Variants in DOCK2 observed in about 807,000 individuals in gnomAD.
DOCK2 encodes dedicator of cytokinesis protein 2.
DOCK2 carries 87 observed loss-of-function variants against 248.9 expected under a neutral mutation model. The ratio of observed to expected loss-of-function variants is 0.35; its 90% CI spans 0.29 to 0.42. The LOEUF is 0.42. Ranked by LOEUF, DOCK2 falls within the 10% of genes least tolerant of loss-of-function variation. The pLI is 1.00. For synonymous variants in DOCK2, 805 were observed against 821.6 expected, an observed-to-expected ratio of 0.98 and a Z score of 0.35; for missense variants, 1,747 against 2,300.2, an observed-to-expected ratio of 0.76 and a Z score of 4.92.
At chr5:169,973,959 G>A (rs1468962635) in intron 27 of DOCK2, among the ~76,000 whole-genome samples, 1 of 152,184 alleles carries the variant, frequency 6.6e-6, no homozygotes. Flanking sequence ...TGTCAATGAT[G>A]TTTCCTAATA....
intron 27 of DOCK2, among the ~76,000 whole-genome samples, chr5:169,963,928 C>T (rs982630058): frequency 2.6e-5 from 4 of 152,066 alleles, no homozygotes; most frequent in South Asian, 2.1e-4. Context: ...AATAAGTTTT[C>T]GGATGCTGCT....
intron 27 of DOCK2, among the ~76,000 whole-genome samples, chr5:169,902,400 T>G (rs1773977845): frequency 6.6e-6 from 1 of 152,228 alleles, no homozygotes; most frequent in Non-Finnish European, 1.5e-5. Flanking sequence ...TTAGTGATTT[T>G]GCCAAGCCAC....
intron 44 of DOCK2, among the ~76,000 whole-genome samples, chr5:170,067,106 A>G (rs1757517710): frequency 6.6e-6 from 1 of 152,130 alleles, no homozygotes; most frequent in African/African-American, 2.4e-5. Context: ...AGGACCTACT[A>G]TGTGCCAGGC....
chr5:169,654,288 T>C, intron 1 of DOCK2, 115 bp from the exon 2 acceptor site: 4 of 1,137,198 alleles, frequency 3.5e-6, no homozygotes, highest in Non-Finnish European at 3.8e-6. Context: ...TGGTTTTGTT[T>C]AGCCCAGGTG....
At chr5:169,650,071 T>G (rs1318953711) in intron 1 of DOCK2, among the ~76,000 whole-genome samples, 1 of 152,186 alleles carries the variant, frequency 6.6e-6, no homozygotes, top group African/African-American at 2.4e-5. Context: ...GTGTTGGGAT[T>G]ACAGGCGTGA....
intron 27 of DOCK2, among the ~76,000 whole-genome samples, chr5:169,856,583 G>C (rs1561768036): frequency 6.6e-6 from 1 of 152,162 alleles, no homozygotes; most frequent in Non-Finnish European, 1.5e-5. Flanking sequence ...CTGACTCTCA[G>C]CTACTGAAGG....
At chr5:169,716,443 A>G in intron 20 of DOCK2, 141 bp downstream of exon 20, 1 of 759,682 alleles carries the variant, frequency 1.3e-6, no homozygotes, top group Admixed American at 2.7e-5. Flanking sequence ...TTTGGCAACA[A>G]GACCAATAAT....
At chr5:169,908,438 A>G (rs1257235238) in intron 27 of DOCK2, among the ~76,000 whole-genome samples, 1 of 152,204 alleles carries the variant, frequency 6.6e-6, no homozygotes, top group Admixed American at 6.5e-5. Flanking sequence ...TCCCCAAATC[A>G]TGACATTTGG....
chr5:170,047,209 T>C lies in DOCK2; in HGVS notation c.3967-301T>C, dbSNP rs375677455. On this transcript the variant is annotated intron_variant, in intron 39 of 51. Transcript: ENST00000520908. The stretch of plus-strand genomic sequence containing the variant: ...ATGCAACTAACTGGGTTCAGCTCCA[T>C]GCTTACTGGCTGCTTTACGAGATAC... Among the ~76,000 whole-genome samples, 7 of 152,284 alleles carry C rather than the reference T, an allele frequency of 4.6e-5. No homozygotes were observed. In the East Asian group the frequency reaches 9.7e-4, roughly 21 times the overall value.
At chr5:170,029,731 A>G (rs980042797) in intron 34 of DOCK2, among the ~76,000 whole-genome samples, 2 of 152,200 alleles carry the variant, frequency 1.3e-5, no homozygotes, top group African/African-American at 2.4e-5. Context: ...TCTGATTTCT[A>G]TAATTCTCTG....
intron 29 of DOCK2, among the ~76,000 whole-genome samples, chr5:169,987,009 G>A (rs773518057): frequency 1.2e-4 from 18 of 152,042 alleles, no homozygotes; most frequent in Admixed American, 1.0e-3. Flanking sequence ...AAAAGAGAAT[G>A]TATTGGCACA....
At chr5:169,642,130 C>T (rs1183795167) in intron 1 of DOCK2, among the ~76,000 whole-genome samples, 1 of 152,218 alleles carries the variant, frequency 6.6e-6, no homozygotes, top group East Asian at 1.9e-4. Flanking sequence ...CAGAACTTCA[C>T]TACAGAGGGA....
At chr5:169,811,460 T>C (rs186833505) in intron 26 of DOCK2, among the ~76,000 whole-genome samples, 4 of 152,336 alleles carry the variant, frequency 2.6e-5, no homozygotes, top group African/African-American at 9.6e-5. Context: ...CTTTTGTCTA[T>C]GGTGCATGCC....
At chr5:170,005,980 C>G (rs1389435662) in intron 30 of DOCK2, among the ~76,000 whole-genome samples, 1 of 152,208 alleles carries the variant, frequency 6.6e-6, no homozygotes, top group Non-Finnish European at 1.5e-5. Flanking sequence ...TCAGAGATTT[C>G]TCACTTTCAT....
chr5:169,678,900 AGCAG>A (rs1759494525), intron 6 of DOCK2, among the ~76,000 whole-genome samples: 1 of 152,214 alleles, frequency 6.6e-6, no homozygotes, highest in South Asian at 2.1e-4. Context: ...TAACTAGACC[AGCAG>A]GAATTATTAG....
chr5:169,801,160 T>G (rs1399597328), intron 25 of DOCK2, among the ~76,000 whole-genome samples: 1 of 128,374 alleles, frequency 7.8e-6, no homozygotes, highest in Non-Finnish European at 1.7e-5. Flanking sequence ...TTTTTTTTTT[T>G]TTTTTTTTTT....
chr5:169,977,022 T>A (rs1777740238), intron 27 of DOCK2, among the ~76,000 whole-genome samples: 2 of 152,244 alleles, frequency 1.3e-5, no homozygotes, highest in African/African-American at 2.4e-5. Context: ...AACCAAAGAA[T>A]GTCACTGCAC....
At position 169,883,403 on chromosome 5, in the gene DOCK2, C is replaced by G. The variant is rs149156890; in HGVS notation, c.2799+42551C>G. On this transcript the variant is annotated intron_variant, in intron 27 of 51. Coordinates refer to ENST00000520908, the MANE Select transcript of DOCK2 (RefSeq NM_004946.3). The stretch of plus-strand genomic sequence containing the variant: ...ACCCTTGGGAGGAATGCATGGGACA[C>G]CTTGACCCTTCGAGGCCCATCCTCA... 5,960 of 1,551,674 alleles carry G rather than the reference C, an allele frequency of 3.8e-3. 22 individuals are homozygous for G. The highest frequency in any genetic ancestry group is 0.013 in the Middle Eastern group (77 of 5,994).
chr5:170,014,872 G>A (rs1755454938), intron 32 of DOCK2, among the ~76,000 whole-genome samples: 1 of 152,144 alleles, frequency 6.6e-6, no homozygotes, highest in Non-Finnish European at 1.5e-5. Context: ...AAAATACTCT[G>A]TGAATAAACA....
Sources: gnomAD v4.1 joint callset for allele counts (sites outside exome capture counted in the v4.1 genomes callset) on GRCh38, gnomAD v4.1.1 for gene constraint, MANE v1.5 for transcripts, NCBI Gene and HGNC (gene_info 2026-07-23, HGNC 2026-07-21) for gene names.